The following MIGA1 variants were observed in gnomAD, a reference collection of about 807,000 sequenced individuals.
The protein encoded by MIGA1 is family with sequence similarity 73, member A.
In MIGA1, 58 loss-of-function variants were observed where a neutral mutation model predicts 82.0. The ratio of observed to expected loss-of-function variants is 0.71; its 90% CI spans 0.57 to 0.88. The LOEUF (loss-of-function observed/expected upper bound fraction) is 0.88. Ranked by LOEUF, MIGA1 falls within the 40% of genes least tolerant of loss-of-function variation. MIGA1 has a pLI of 0.00. For missense variants in MIGA1, 751 were observed against 749.1 expected, an observed-to-expected ratio of 1.00 and a Z score of -0.03; for synonymous variants, 249 against 253.6, an observed-to-expected ratio of 0.98 and a Z score of 0.17.
intron 8 of MIGA1, among the ~76,000 whole-genome samples, chr1:77,849,730 TTTC>T (rs2101906896): frequency 6.6e-6 from 1 of 152,160 alleles, no homozygotes; most frequent in African/African-American, 2.4e-5. Flanking sequence ...ATTTAAAATT[TTTC>T]TTCTATGAAA....
In MIGA1 at chr1:77,815,090, CT is replaced by C; in HGVS notation, c.772-13del. ...ATTAGAATTTAATTTGTTCTGTGTACTTTTTCTCTCCTTGTAGGATATTATT... is the reference window on the plus strand; with the variant it reads ...ATTAGAATTTAATTTGTTCTGTGTACTTTTCTCTCCTTGTAGGATATTATT... On this transcript the variant is annotated splice_polypyrimidine_tract_variant and intron_variant, in intron 6 of 15. Coordinates refer to ENST00000370791, the MANE Select transcript of MIGA1 (RefSeq NM_198549.4). 2 of 1,476,724 alleles carry C rather than the reference CT, an allele frequency of 1.4e-6. No homozygotes were observed. Among genetic ancestry groups the C allele is most frequent in the Non-Finnish European group, 1.8e-6 (2 of 1,097,676 alleles). The allele number at this position is 1,476,724 out of a possible 1,614,324, so 91.5% of individuals were successfully genotyped here. A position where few individuals can be genotyped will look rare whatever the true frequency, so the allele number is the denominator to read the frequency against.
At chr1:77,869,886 C>T (rs1352476144) in intron 14 of MIGA1, among the ~76,000 whole-genome samples, 7 of 118,630 alleles carry the variant, frequency 5.9e-5, no homozygotes, top group East Asian at 2.8e-4. Flanking sequence ...ACCTCCCTCC[C>T]GGACGGGGCG....
intron 5 of MIGA1, chr1:77,811,383 T>C (rs1443686942): frequency 6.2e-7 from 1 of 1,605,574 alleles, no homozygotes; most frequent in African/African-American, 1.3e-5. Context: ...CTTCTTCATC[T>C]TCTTCAAATT....
chr1:77,874,736 TG>T (rs771083749), intron 15 of MIGA1, 109 bp from the exon 16 acceptor site: 81 of 720,098 alleles, frequency 1.1e-4, no homozygotes, highest in Non-Finnish European at 1.8e-4. Flanking sequence ...AAACTAGCAC[TG>T]GAAGTCAGGT....
intron 7 of MIGA1, among the ~76,000 whole-genome samples, chr1:77,840,391 CTT>C (rs1684584850): frequency 6.6e-6 from 1 of 152,114 alleles, no homozygotes. Flanking sequence ...GTAAAACAGA[CTT>C]TTAACATCAG....
At chr1:77,824,945 T>C (rs1683971093) in intron 7 of MIGA1, among the ~76,000 whole-genome samples, 1 of 151,714 alleles carries the variant, frequency 6.6e-6, no homozygotes. Flanking sequence ...ACCAAGAGTT[T>C]AATACAGGCT....
chr1:77,787,342 T>C (rs760079993), intron 2 of MIGA1, among the ~76,000 whole-genome samples: 29 of 152,294 alleles, frequency 1.9e-4, no homozygotes, highest in Non-Finnish European at 4.1e-4. Flanking sequence ...TTATTGACCA[T>C]TTATATGTAT....
intron 5 of MIGA1, among the ~76,000 whole-genome samples, chr1:77,813,125 G>A (rs1016263569): frequency 6.6e-6 from 1 of 152,054 alleles, no homozygotes; most frequent in South Asian, 2.1e-4. Flanking sequence ...ATGATTACAG[G>A]CACGTATCAC....
chr1:77,858,976 G>A lies in MIGA1; in HGVS notation c.1035G>A (p.Leu345=). ...GAGAAGTACGGCATACCTACAGCCT[G>A]GAGTCCCTTTGTCACTGCCCATTTT... The change falls in exon 9 of 16, where the codon CTG becomes CTA. Residue 345 remains leucine (L), a synonymous_variant. Transcript: ENST00000370791. The A allele has an allele frequency of 6.2e-7, 1 of 1,613,784 alleles. No homozygotes were observed. The highest frequency in any genetic ancestry group is 8.5e-7 in the Non-Finnish European group (1 of 1,179,760).
chr1:77,861,014 T>C, intron 11 of MIGA1: 1 of 475,288 alleles, frequency 2.1e-6, no homozygotes, highest in East Asian at 3.6e-5. Flanking sequence ...ATAGTTTGCT[T>C]GTGACATTTT....
At position 77,875,035 on chromosome 1, in the gene MIGA1, A is replaced by G. The variant is rs1415313396; in HGVS notation, c.1870A>G (p.Thr624Ala). 1.9e-6 allele frequency: 3 copies of G among 1,614,064 alleles called. No individual in the cohort carries two copies. The African/African-American group carries it at 4.0e-5, about 22-fold the overall frequency. ...AAGCAGTCATGGTCATGTTATGTCC[A>G]CTGGGCTACTGGAAGCCAAAGTACA... The change falls in exon 16 of 16, where the codon ACT becomes GCT. Residue 624 changes from threonine to alanine, a missense_variant. This residue lies in a region of MIGA1 where 265 missense variants were observed against 293.6 expected (regional missense o/e 0.90). Transcript: ENST00000370791.
chr1:77,789,485 T>C (rs1570919450), intron 2 of MIGA1, among the ~76,000 whole-genome samples: 1 of 152,250 alleles, frequency 6.6e-6, no homozygotes, highest in East Asian at 1.9e-4. Flanking sequence ...GCTAGGATAA[T>C]GGGTGTGAGC....
Position 77,783,269 on chromosome 1 carries a change from T to C in MIGA1, c.113T>C (p.Val38Ala), listed in dbSNP as rs1682003617. The change falls in exon 2 of 16, where the codon GTA (valine) becomes GCA (alanine). Residue 38 changes from valine to alanine, a missense_variant. By Grantham distance (64) the Val-to-Ala change is moderately conservative (BLOSUM62 0). This residue lies in a region of MIGA1 where 482 missense variants were observed against 439.4 expected (regional missense o/e 1.10). Transcript: ENST00000370791. ...AGAGGAGCCATGTCAGAAGAAACAGTAAGTGAATCACAGTTTTCCTTGAAG... is the reference window on the plus strand; with the variant it reads ...AGAGGAGCCATGTCAGAAGAAACAGCAAGTGAATCACAGTTTTCCTTGAAG... 1 of 1,593,468 alleles carries C rather than the reference T, an allele frequency of 6.3e-7. No individual in the cohort carries two copies. Among genetic ancestry groups the C allele is most frequent in the Non-Finnish European group, 8.6e-7 (1 of 1,166,116 alleles).
intron 8 of MIGA1, among the ~76,000 whole-genome samples, chr1:77,844,135 TATA>T (rs1684744616): frequency 2.7e-5 from 3 of 112,530 alleles, no homozygotes; most frequent in Non-Finnish European, 5.1e-5. Flanking sequence ...TATATATATA[TATA>T]GATAGATAGA....
At chr1:77,783,961 G>A (rs765280519) in intron 2 of MIGA1, among the ~76,000 whole-genome samples, 4 of 152,072 alleles carry the variant, frequency 2.6e-5, no homozygotes, top group Non-Finnish European at 5.9e-5. Flanking sequence ...TGTCCTCAAG[G>A]TTCATCCATG....
chr1:77,809,071 T>C (rs992676774), intron 5 of MIGA1, among the ~76,000 whole-genome samples: 6 of 152,196 alleles, frequency 3.9e-5, no homozygotes, highest in Non-Finnish European at 8.8e-5. Flanking sequence ...ATTGTGCCAC[T>C]GCACTACAGC....
chr1:77,827,171 G>A lies in MIGA1; in HGVS notation c.895+11940G>A, dbSNP rs567359209. Among the ~76,000 whole-genome samples the A allele has an allele frequency of 3.3e-5, 5 of 151,912 alleles. 1 individual carries two copies. Among genetic ancestry groups the A allele is most frequent in the South Asian group, 4.2e-4 (2 of 4,810 alleles). ...TGGCCCAGCTGGAGTGCAGTGGCAC[G>A]ATCTCCGCTCACTGCCTCCTGAGTT... On this transcript the variant is annotated intron_variant, in intron 7 of 15. Transcript: ENST00000370791.
chr1:77,840,516 C>A (rs1465488658), intron 7 of MIGA1, among the ~76,000 whole-genome samples: 1 of 152,014 alleles, frequency 6.6e-6, no homozygotes, highest in Non-Finnish European at 1.5e-5. Flanking sequence ...AATTTAATCC[C>A]ACTCTCGGCC....
At chr1:77,780,869 T>A (rs1333062108) in intron 1 of MIGA1, among the ~76,000 whole-genome samples, 4 of 151,822 alleles carry the variant, frequency 2.6e-5, no homozygotes, top group African/African-American at 9.7e-5. Flanking sequence ...GTAGTTAGAA[T>A]GCAAAAATAG....
Sources: allele counts gnomAD v4.1 joint callset (sites outside exome capture counted in the v4.1 genomes callset), GRCh38; gene constraint gnomAD v4.1.1; regional missense constraint gnomAD v4.1.1; transcripts MANE v1.5; gene names NCBI Gene and HGNC (gene_info 2026-07-23, HGNC 2026-07-21).